The following SYT9 variants were observed in gnomAD, a reference collection of about 807,000 sequenced individuals.
SYT9 encodes synaptotagmin-9.
Under a neutral mutation model 48.4 loss-of-function variants are expected in SYT9, and 22 were observed. The ratio of observed to expected loss-of-function variants is 0.45; its 90% CI spans 0.32 to 0.65. The LOEUF (loss-of-function observed/expected upper bound fraction) is 0.65. Ranked by LOEUF, SYT9 falls within the 30% of genes least tolerant of loss-of-function variation. The pLI, the probability that SYT9 is intolerant of heterozygous loss-of-function variation, is 0.03. For missense variants in SYT9, 577 were observed against 622.0 expected (o/e 0.93, Z 0.77); for synonymous variants, 265 against 245.0 (o/e 1.08, Z -0.76).
In SYT9 at chr11:7,468,484, C is replaced by G. The variant is rs1053482420; in HGVS notation, c.*1684C>G. On this transcript the variant is annotated 3_prime_UTR_variant, in exon 7 of 7. Transcript: ENST00000318881. ...TAAGGAAAACTTGGCTTCCTCTGCT[C>G]AAGGTTCCCCTCTGCTCATCCCTCC... 2.5e-6 allele frequency: 1 copy of G among 394,968 alleles called. No homozygotes were observed. Among genetic ancestry groups the G allele is most frequent in the Non-Finnish European group, 4.5e-6 (1 of 224,212 alleles). The allele number at this position is 394,968 out of a possible 1,614,324, so 24.5% of individuals were successfully genotyped here. A position where few individuals can be genotyped will look rare whatever the true frequency, so the allele number is the denominator to read the frequency against.
intron 1 of SYT9, among the ~76,000 whole-genome samples, chr11:7,266,643 C>T (rs1848189158): frequency 1.3e-5 from 2 of 152,096 alleles, no homozygotes; most frequent in South Asian, 4.1e-4. Flanking sequence ...TTCAGTAATT[C>T]AATCACATCT....
chr11:7,413,148 T>A (rs963654313), intron 3 of SYT9, among the ~76,000 whole-genome samples: 2 of 152,190 alleles, frequency 1.3e-5, no homozygotes, highest in African/African-American at 4.8e-5. Context: ...GACACTCTCA[T>A]TGGGAGCAGC....
chr11:7,451,480 C>T (rs1040529124), intron 6 of SYT9, among the ~76,000 whole-genome samples: 1 of 152,218 alleles, frequency 6.6e-6, no homozygotes, highest in Non-Finnish European at 1.5e-5. Context: ...TTTTCTTCTC[C>T]TCTTCAGATA....
intron 6 of SYT9, among the ~76,000 whole-genome samples, chr11:7,445,644 AAGTTT>A (rs1346258715): frequency 2.6e-5 from 4 of 152,096 alleles, no homozygotes; most frequent in Non-Finnish European, 5.9e-5. Context: ...GTCATGCCTC[AAGTTT>A]CTGACCTAAG....
At chr11:7,413,986 C>T (rs774040011) in intron 3 of SYT9, among the ~76,000 whole-genome samples, 10 of 152,114 alleles carry the variant, frequency 6.6e-5, no homozygotes, top group African/African-American at 2.4e-4. Context: ...ATTTTTTTCT[C>T]TTTTAACTTA....
chr11:7,452,310 G>T (rs1415032264), intron 6 of SYT9, among the ~76,000 whole-genome samples: 1 of 152,114 alleles, frequency 6.6e-6, no homozygotes, highest in Non-Finnish European at 1.5e-5. Flanking sequence ...GGCTCCCAGA[G>T]GCCTTCTCAC....
intron 6 of SYT9, among the ~76,000 whole-genome samples, chr11:7,464,956 C>T (rs573021631): frequency 1.3e-4 from 19 of 151,466 alleles, no homozygotes; most frequent in Middle Eastern, 3.4e-3. Context: ...GGCGTGGTGG[C>T]GGGCGCCTGT....
chr11:7,463,338 T>C (rs952485373), intron 6 of SYT9, among the ~76,000 whole-genome samples: 5 of 151,434 alleles, frequency 3.3e-5, no homozygotes, highest in African/African-American at 1.2e-4. Context: ...TTCTGAATTA[T>C]GGAAAAATCT....
rs375953399 is a variant in SYT9, at chr11:7,378,204, C to T, written c.1045-37838C>T. Among the ~76,000 whole-genome samples the T allele has an allele frequency of 7.3e-5, 11 of 151,388 alleles. No homozygotes were observed. The South Asian group carries it at 1.5e-3, about 20-fold the overall frequency. On this transcript the variant is annotated intron_variant, in intron 3 of 6. Transcript: ENST00000318881. ...ACAAAGAAATGAAAGAGAAGGTTTGCGATGAGTCAGAAGGTGGGTGTGGGG... is the reference window on the plus strand; with the variant it reads ...ACAAAGAAATGAAAGAGAAGGTTTGTGATGAGTCAGAAGGTGGGTGTGGGG...
At chr11:7,298,074 T>C (rs1200745487) in intron 1 of SYT9, among the ~76,000 whole-genome samples, 3 of 152,220 alleles carry the variant, frequency 2.0e-5, no homozygotes, top group African/African-American at 7.2e-5. Context: ...ACTTTGTTTT[T>C]TTCTTTGATG....
chr11:7,414,371 A>G (rs1166339131), intron 3 of SYT9, among the ~76,000 whole-genome samples: 1 of 152,228 alleles, frequency 6.6e-6, no homozygotes, highest in African/African-American at 2.4e-5. Flanking sequence ...TGGGCCAGGG[A>G]GTCAGGAAAC....
At chr11:7,247,986 T>A (rs149462856), upstream of SYT9, among the ~76,000 whole-genome samples, 522 of 152,218 alleles carry the variant, frequency 3.4e-3, 2 homozygotes, top group African/African-American at 0.012. Context: ...CACACCAACA[T>A]CTACTGTTTT....
chr11:7,362,936 G>T (rs1326489155), intron 3 of SYT9, among the ~76,000 whole-genome samples: 2 of 75,288 alleles, frequency 2.7e-5, no homozygotes, highest in African/African-American at 5.1e-5. Flanking sequence ...CTTTCTTCTT[G>T]CCATTTATTG....
chr11:7,406,033 CT>C (rs1394998862), intron 3 of SYT9, among the ~76,000 whole-genome samples: 1 of 151,926 alleles, frequency 6.6e-6, no homozygotes, highest in African/African-American at 2.4e-5. Context: ...GCTTACATTC[CT>C]TTTTTTGATA....
chr11:7,313,108 G>A (rs989512440), intron 2 of SYT9, among the ~76,000 whole-genome samples: 2 of 152,146 alleles, frequency 1.3e-5, no homozygotes, highest in African/African-American at 2.4e-5. Context: ...CTTCTTTAAT[G>A]GCATATTAGA....
chr11:7,397,832 G>T (rs1414281206), intron 3 of SYT9, among the ~76,000 whole-genome samples: 1 of 152,062 alleles, frequency 6.6e-6, no homozygotes. Context: ...TATTGCTTTT[G>T]TACTGGCTTT....
chr11:7,415,183 G>A (rs1847217772), intron 3 of SYT9, among the ~76,000 whole-genome samples: 1 of 152,200 alleles, frequency 6.6e-6, no homozygotes, highest in Non-Finnish European at 1.5e-5. Context: ...AGGCAGCAGG[G>A]CCACCTGGGG....
intron 6 of SYT9, among the ~76,000 whole-genome samples, chr11:7,424,628 T>G (rs1267758168): frequency 6.6e-6 from 1 of 152,154 alleles, no homozygotes; most frequent in Non-Finnish European, 1.5e-5. Flanking sequence ...ACAGACACTA[T>G]CTGGTTAAAT....
rs542270696 is a variant in SYT9 at position 7,294,042 on chromosome 11, G to C, written c.146-8997G>C. ...GAAAATTATTTCTCACAGTTCTGGAGACTGGAAAATTCAAAACCAAGGCAC... is the reference window on the plus strand; with the variant it reads ...GAAAATTATTTCTCACAGTTCTGGACACTGGAAAATTCAAAACCAAGGCAC... On this transcript the variant is annotated intron_variant, in intron 1 of 6. Coordinates refer to ENST00000318881, the MANE Select transcript of SYT9 (RefSeq NM_175733.4). Among the ~76,000 whole-genome samples the C allele has an allele frequency of 2.6e-5, 4 of 152,324 alleles. 1 individual carries two copies. In the South Asian group the frequency reaches 8.3e-4, roughly 32 times the overall value.
Sources: gnomAD v4.1 joint callset for allele counts (sites outside exome capture counted in the v4.1 genomes callset) on GRCh38, gnomAD v4.1.1 for gene constraint, MANE v1.5 for transcripts, NCBI Gene and HGNC (gene_info 2026-07-23, HGNC 2026-07-21) for gene names.